Variants in SLC16A2 observed in about 807,000 individuals in gnomAD.
SLC16A2 encodes the protein solute carrier family 16 member 2, also known as monocarboxylate transporter 8.
In SLC16A2, 3 loss-of-function variants were observed where a neutral mutation model predicts 27.2. The ratio of observed to expected loss-of-function variants is 0.11; its 90% CI spans 0.05 to 0.28. SLC16A2 has a LOEUF of 0.28. Ranked by LOEUF, SLC16A2 falls within the 10% of genes least tolerant of loss-of-function variation. The pLI, the probability that SLC16A2 is intolerant of heterozygous loss-of-function variation, is 1.00. For missense variants in SLC16A2, 295 were observed against 458.5 expected (o/e 0.64, Z 3.26); for synonymous variants, 202 against 187.8 (o/e 1.08, Z -0.62).
At chrX:74,467,987 C>T (rs1428110503) in intron 1 of SLC16A2, among the ~76,000 whole-genome samples, 3 of 111,926 alleles carry the variant, frequency 2.7e-5, no homozygotes, top group African/African-American at 9.7e-5. Flanking sequence ...ACTGTTCATG[C>T]TGTTCCATCA....
At chrX:74,474,064 T>C (rs1929415134) in intron 1 of SLC16A2, 1 of 143,021 alleles carries the variant, frequency 7.0e-6, no homozygotes, top group Non-Finnish European at 1.4e-5. Context: ...CTCTTGCATT[T>C]TCATACACAT....
At chrX:74,442,321 T>C (rs1351678215) in intron 1 of SLC16A2, among the ~76,000 whole-genome samples, 2 of 110,140 alleles carry the variant, frequency 1.8e-5, no homozygotes, top group Non-Finnish European at 3.8e-5. Context: ...GGCCGAGGAA[T>C]TGGTCATGCA....
chrX:74,468,431 C>A (rs1929292417), intron 1 of SLC16A2, among the ~76,000 whole-genome samples: 1 of 111,981 alleles, frequency 8.9e-6, no homozygotes, highest in African/African-American at 3.2e-5. Context: ...TATATCATAG[C>A]ATGTATTAGC....
At chrX:74,518,516 G>A (rs1227775504) in intron 1 of SLC16A2, among the ~76,000 whole-genome samples, 2 of 109,449 alleles carry the variant, frequency 1.8e-5, no homozygotes, top group Non-Finnish European at 3.8e-5. Flanking sequence ...GCTTGAACCC[G>A]GGAGGCAGAG....
chrX:74,447,396 G>C (rs1256961138), intron 1 of SLC16A2, among the ~76,000 whole-genome samples: 20 of 111,663 alleles, frequency 1.8e-4, no homozygotes, highest in Non-Finnish European at 1.1e-4. Context: ...CTGGGGGCCT[G>C]GTGTAGTGGT....
In SLC16A2 at chrX:74,484,169, A is replaced by T. The variant is rs760624318; in HGVS notation, c.431-36821A>T. Among the ~76,000 whole-genome samples, 4 of 112,345 alleles carry T rather than the reference A, an allele frequency of 3.6e-5. No homozygotes were observed. The East Asian group carries it at 1.1e-3, about 32-fold the overall frequency. ...TATTCTGAGCCAAATATGAGTGACCACGGCCCATGACACAGCCCTCAGAAG... is the reference window on the plus strand; with the variant it reads ...TATTCTGAGCCAAATATGAGTGACCTCGGCCCATGACACAGCCCTCAGAAG... On this transcript the variant is annotated intron_variant, in intron 1 of 5. Transcript: ENST00000587091.
chrX:74,451,610 ATAGT>A (rs930197878), intron 1 of SLC16A2, among the ~76,000 whole-genome samples: 3 of 112,838 alleles, frequency 2.7e-5, no homozygotes, highest in African/African-American at 9.6e-5. Flanking sequence ...CGGAAAATTG[ATAGT>A]TAGTGATGGG....
chrX:74,467,602 T>C (rs1209168615), intron 1 of SLC16A2, among the ~76,000 whole-genome samples: 1 of 112,021 alleles, frequency 8.9e-6, no homozygotes, highest in Non-Finnish European at 1.9e-5. Context: ...GGCAAAGCCT[T>C]GTAGGAACAA....
rs12849757 is a variant in SLC16A2 at position 74,524,658 on chromosome X, G to A, written c.875G>A (p.Ser292Asn). The change falls in exon 3 of 6, where the codon AGC (serine) becomes AAC (asparagine). Residue 292 changes from serine to asparagine, a missense_variant. By Grantham distance (46) the Ser-to-Asn change is conservative (BLOSUM62 1). This residue lies in a region of SLC16A2 where 144 missense variants were observed against 219.8 expected (regional missense o/e 0.66). Coordinates refer to ENST00000587091, the MANE Select transcript of SLC16A2 (RefSeq NM_006517.5). ...CTGCCCAGCTCCCAGGACACCCCAA[G>A]CAAGAGAGGTGTCCGCACCCTGCAC... The part of the protein sequence containing the change: ...PLLPSSQDTP[S>N]KRGVRTLHQR... 15 of 1,209,999 alleles carry A rather than the reference G, an allele frequency of 1.2e-5. No individual in the cohort carries two copies. The highest frequency in any genetic ancestry group is 2.3e-4 in the Middle Eastern group (1 of 4,376).
intron 1 of SLC16A2, among the ~76,000 whole-genome samples, chrX:74,459,305 G>A (rs1929094725): frequency 3.6e-5 from 1 of 27,631 alleles, no homozygotes; most frequent in South Asian, 2.0e-3. Flanking sequence ...CTGGGAAGAA[G>A]AGGCTGAGGC....
At position 74,529,291 on chromosome X, in the gene SLC16A2, T is replaced by G; in HGVS notation, c.1249T>G (p.Cys417Gly). Residue 417 changes from cysteine (C) to glycine (G), a missense_variant, in exon 5 of 6, where the codon TGT becomes GGT. Cys to Gly is a radical substitution (Grantham distance 159). Transcript: ENST00000587091. ...GGACTTCGGGGGCCTTATCGTCGTC[T>G]GTCTTTTCCTGGGCCTTTGCGATGG... ...CRDFGGLIVV[C>G]LFLGLCDGFF... 1 of 1,211,619 alleles carries G rather than the reference T, an allele frequency of 8.3e-7. No individual in the cohort carries two copies. Among genetic ancestry groups the G allele is most frequent in the Non-Finnish European group, 1.1e-6 (1 of 895,237 alleles).
intron 1 of SLC16A2, among the ~76,000 whole-genome samples, chrX:74,427,244 C>A (rs757696630): frequency 1.8e-5 from 2 of 112,014 alleles, no homozygotes; most frequent in Non-Finnish European, 3.8e-5. Context: ...GCAGAGGAAA[C>A]GGATTCCTAA....
intron 1 of SLC16A2, among the ~76,000 whole-genome samples, chrX:74,461,408 G>A (rs1929138940): frequency 2.3e-5 from 1 of 44,387 alleles, no homozygotes; most frequent in Non-Finnish European, 3.8e-5. Context: ...GAGAGAGAGA[G>A]TGTGTGTGTG....
chrX:74,474,917 G>T (rs1929436286), intron 1 of SLC16A2, among the ~76,000 whole-genome samples: 1 of 110,617 alleles, frequency 9.0e-6, no homozygotes, highest in Non-Finnish European at 1.9e-5. Flanking sequence ...CTTTGCTATT[G>T]TGAATAGTGC....
chrX:74,452,062 G>C (rs1233004497), intron 1 of SLC16A2, among the ~76,000 whole-genome samples: 1 of 112,645 alleles, frequency 8.9e-6, no homozygotes, highest in Non-Finnish European at 1.9e-5. Context: ...CAGTAGGTTG[G>C]TCCTTGACCC....
In SLC16A2 at chrX:74,481,845, G is replaced by A. The variant is rs186922150; in HGVS notation, c.431-39145G>A. ...TTTTTTTATTGAGATAAAATTCATAGACCATAAAATTCACCCTTTAAAAGT... is the reference window on the plus strand; with the variant it reads ...TTTTTTTATTGAGATAAAATTCATAAACCATAAAATTCACCCTTTAAAAGT... On this transcript the variant is annotated intron_variant, in intron 1 of 5. Coordinates refer to ENST00000587091, the MANE Select transcript of SLC16A2 (RefSeq NM_006517.5). Among the ~76,000 whole-genome samples the A allele has an allele frequency of 2.5e-3, 271 of 108,224 alleles. 2 individuals are homozygous for A. The highest frequency in any genetic ancestry group is 8.4e-3 in the African/African-American group (250 of 29,827). 94.0% of individuals were successfully genotyped at this position (108,224 alleles called of 115,157 possible). A position where few individuals can be genotyped will look rare whatever the true frequency, so the allele number is the denominator to read the frequency against.
intron 1 of SLC16A2, among the ~76,000 whole-genome samples, chrX:74,498,116 T>C (rs1182149033): frequency 9.0e-6 from 1 of 111,352 alleles, no homozygotes; most frequent in Non-Finnish European, 1.9e-5. Flanking sequence ...ATGATAATAG[T>C]CTTTCCCAAA....
At chrX:74,495,756 A>G (rs1382859426) in intron 1 of SLC16A2, among the ~76,000 whole-genome samples, 2 of 111,439 alleles carry the variant, frequency 1.8e-5, no homozygotes, top group African/African-American at 6.5e-5. Flanking sequence ...CTTTACTGTC[A>G]GGAAGGTCTT....
chrX:74,431,082 C>T (rs915997117), intron 1 of SLC16A2, among the ~76,000 whole-genome samples: 1 of 112,673 alleles, frequency 8.9e-6, no homozygotes, highest in Admixed American at 9.4e-5. Context: ...ACAGAACTAC[C>T]GTTTGACCCA....
Sources: gnomAD v4.1 joint callset for allele counts (sites outside exome capture counted in the v4.1 genomes callset) on GRCh38, gnomAD v4.1.1 for gene constraint, gnomAD v4.1.1 regional missense constraint, MANE v1.5 for transcripts, NCBI Gene and HGNC (gene_info 2026-07-23, HGNC 2026-07-21) for gene names.